Variants in PACS1 observed in about 807,000 individuals in gnomAD.
PACS1 encodes the protein PACS-1.
In PACS1, 24 loss-of-function variants were observed where a neutral mutation model predicts 115.0. That is an observed-to-expected ratio of 0.21 (90% CI 0.15 to 0.29). The LOEUF (loss-of-function observed/expected upper bound fraction) is 0.29. Ranked by LOEUF, PACS1 falls within the 10% of genes least tolerant of loss-of-function variation. The pLI, the probability that PACS1 is intolerant of heterozygous loss-of-function variation, is 1.00. For synonymous variants in PACS1, 453 were observed against 504.5 expected, an observed-to-expected ratio of 0.90 and a Z score of 1.37; for missense variants, 838 against 1,251.2, an observed-to-expected ratio of 0.67 and a Z score of 4.98.
At chr11:66,238,188 C>T (rs927819050) in intron 19 of PACS1, 3 of 985,366 alleles carry the variant, frequency 3.0e-6, no homozygotes, top group Non-Finnish European at 3.6e-6. Context: ...ATTCAGTACA[C>T]TTCCAGATTC....
chr11:66,237,697 G>C (rs1212654787), intron 19 of PACS1, among the ~76,000 whole-genome samples: 1 of 152,176 alleles, frequency 6.6e-6, no homozygotes, highest in African/African-American at 2.4e-5. Flanking sequence ...TGCTCACTCA[G>C]GCCTCGCAAC....
chr11:66,175,422 C>A (rs1859833914), intron 1 of PACS1, among the ~76,000 whole-genome samples: 1 of 152,076 alleles, frequency 6.6e-6, no homozygotes, highest in African/African-American at 2.4e-5. Flanking sequence ...TTGGTAAATT[C>A]TGGAAATTTT....
chr11:66,232,933 C>T (rs981532230), intron 14 of PACS1, 27 bp from the exon 15 acceptor site: 8 of 1,546,970 alleles, frequency 5.2e-6, no homozygotes, highest in Admixed American at 1.7e-5. Context: ...TCACCTGTGT[C>T]CCTGCTCTCC....
chr11:66,151,965 G>T (rs975334206), intron 1 of PACS1, among the ~76,000 whole-genome samples: 7 of 152,198 alleles, frequency 4.6e-5, no homozygotes, highest in Non-Finnish European at 1.0e-4. Context: ...GGGTGCAGTG[G>T]CTTACACCTA....
intron 1 of PACS1, among the ~76,000 whole-genome samples, chr11:66,086,090 G>A (rs1299590204): frequency 6.7e-6 from 1 of 150,302 alleles, no homozygotes; most frequent in East Asian, 1.9e-4. Context: ...TACATTCCTG[G>A]AAAATTTAGT....
chr11:66,219,860 C>T, intron 8 of PACS1, 55 bp downstream of exon 8: 1 of 1,252,692 alleles, frequency 8.0e-7, no homozygotes, highest in Non-Finnish European at 1.2e-6. Context: ...GGGTTTCACC[C>T]AGCATCCCTG....
chr11:66,211,032 A>T, intron 3 of PACS1, 102 bp from the exon 4 acceptor site: 1 of 1,361,858 alleles, frequency 7.3e-7, no homozygotes, highest in Admixed American at 1.8e-5. Flanking sequence ...CCCCTTTTAG[A>T]GACAGGAAGA....
intron 1 of PACS1, among the ~76,000 whole-genome samples, chr11:66,147,505 G>A (rs1350132240): frequency 1.3e-5 from 2 of 152,140 alleles, no homozygotes; most frequent in Non-Finnish European, 2.9e-5. Context: ...CCTGGTAAGA[G>A]GAAAATGATA....
intron 1 of PACS1, among the ~76,000 whole-genome samples, chr11:66,087,304 G>T (rs1212321098): frequency 1.3e-5 from 2 of 151,368 alleles, no homozygotes; most frequent in Non-Finnish European, 2.9e-5. Flanking sequence ...GCAATGGCAC[G>T]ATCTCTGCTC....
intron 1 of PACS1, among the ~76,000 whole-genome samples, chr11:66,181,825 A>T (rs1334246543): frequency 2.0e-5 from 3 of 152,122 alleles, no homozygotes; most frequent in Non-Finnish European, 4.4e-5. Context: ...TCACTGAGAC[A>T]CATGTACTAA....
At chr11:66,076,985 GTCT>G (rs749382326) in intron 1 of PACS1, among the ~76,000 whole-genome samples, 7 of 152,198 alleles carry the variant, frequency 4.6e-5, no homozygotes, top group Non-Finnish European at 7.3e-5. Context: ...CACTGACAGG[GTCT>G]TCTTTGTGGA....
chr11:66,149,951 G>A (rs994917028), intron 1 of PACS1, among the ~76,000 whole-genome samples: 11 of 152,024 alleles, frequency 7.2e-5, no homozygotes, highest in Non-Finnish European at 1.2e-4. Context: ...GTTTCTCCAT[G>A]TTAGTCAGGC....
chr11:66,089,353 TC>T (rs1317703133), intron 1 of PACS1, among the ~76,000 whole-genome samples: 3 of 152,202 alleles, frequency 2.0e-5, no homozygotes. Flanking sequence ...TGCTTGAATG[TC>T]CCCAAGTGCG....
chr11:66,146,846 G>C (rs1370657269), intron 1 of PACS1, among the ~76,000 whole-genome samples: 1 of 152,178 alleles, frequency 6.6e-6, no homozygotes, highest in African/African-American at 2.4e-5. Context: ...CTTGAGGTCA[G>C]GAGTTCGAGA....
Position 66,140,469 on chromosome 11 carries a change from A to G in PACS1, c.357-53017A>G, listed in dbSNP as rs539142102. 8.5e-5 allele frequency among the ~76,000 whole-genome samples: 13 copies of G among 152,316 alleles called. No individual in the cohort carries two copies. In the South Asian group the frequency reaches 1.7e-3, roughly 19 times the overall value. ...AACCGTGGACCTCCCAGACTCAGGCATGACTTGTAACTTGTACTCTGCCGT... is the reference window on the plus strand; with the variant it reads ...AACCGTGGACCTCCCAGACTCAGGCGTGACTTGTAACTTGTACTCTGCCGT... On this transcript the variant is annotated intron_variant, in intron 1 of 23. Transcript: ENST00000320580.
intron 1 of PACS1, among the ~76,000 whole-genome samples, chr11:66,192,414 C>T (rs1854547372): frequency 1.3e-5 from 2 of 152,188 alleles, no homozygotes; most frequent in Non-Finnish European, 2.9e-5. Context: ...CGTTAGGTGG[C>T]AGGGTGGTGC....
chr11:66,072,744 C>T (rs1298549453), intron 1 of PACS1, among the ~76,000 whole-genome samples: 1 of 152,210 alleles, frequency 6.6e-6, no homozygotes, highest in Non-Finnish European at 1.5e-5. Flanking sequence ...TGTGTTCCTT[C>T]CTACGTGGGT....
At chr11:66,084,580 G>A (rs988831334) in intron 1 of PACS1, among the ~76,000 whole-genome samples, 54 of 152,076 alleles carry the variant, frequency 3.6e-4, no homozygotes, top group African/African-American at 1.3e-3. Context: ...GGACTAGGGT[G>A]GTGGAGGTGG....
intron 17 of PACS1, among the ~76,000 whole-genome samples, chr11:66,234,954 G>A (rs955659258): frequency 5.9e-5 from 9 of 152,188 alleles, no homozygotes; most frequent in Non-Finnish European, 1.0e-4. Context: ...GAGAGGTAGT[G>A]AGGGCCTGGC....
Sources: allele counts gnomAD v4.1 joint callset (sites outside exome capture counted in the v4.1 genomes callset), GRCh38; gene constraint gnomAD v4.1.1; transcripts MANE v1.5; gene names NCBI Gene and HGNC (gene_info 2026-07-23, HGNC 2026-07-21).